The following NPAT variants were observed in gnomAD, a reference collection of about 807,000 sequenced individuals.
NPAT encodes protein NPAT.
A neutral mutation model predicts 130.7 loss-of-function variants in NPAT; 52 were observed. That is an observed-to-expected ratio of 0.40 (90% CI 0.32 to 0.50). The LOEUF is 0.50. Ranked by LOEUF, NPAT falls within the 20% of genes least tolerant of loss-of-function variation. The probability of loss-of-function intolerance (pLI) is 0.68; values close to 1 mark genes in which losing one functional copy is unlikely to be tolerated. For synonymous variants in NPAT, 580 were observed against 584.8 expected (o/e 0.99, Z 0.12); for missense variants, 1,687 against 1,662.6 (o/e 1.01, Z -0.26).
intron 5 of NPAT, 148 bp from the exon 6 acceptor site, chr11:108,189,478 C>A (rs181768850): frequency 1.4e-6 from 1 of 703,862 alleles, no homozygotes; most frequent in African/African-American, 1.8e-5. Flanking sequence ...TAAATTTATG[C>A]GACTTTCAGA....
chr11:108,200,322 C>G (rs1017522346), intron 1 of NPAT, among the ~76,000 whole-genome samples: 1 of 152,170 alleles, frequency 6.6e-6, no homozygotes, highest in Non-Finnish European at 1.5e-5. Context: ...AGCCTTTAAT[C>G]TGATATTTTT....
chr11:108,176,379 TA>T lies in NPAT; in HGVS notation c.1004-6del. ...TTTTATTATTCTTTGTTTTGCCTGT[TA>T]AAAAGGGAATATGGAAATAATTAAA... On this transcript the variant is annotated splice_polypyrimidine_tract_variant and splice_region_variant and intron_variant, in intron 11 of 17. Coordinates refer to ENST00000278612, the MANE Select transcript of NPAT (RefSeq NM_002519.3). The T allele has an allele frequency of 1.3e-6, 2 of 1,523,100 alleles. No individual in the cohort carries two copies. Among genetic ancestry groups the T allele is most frequent in the Non-Finnish European group, 1.8e-6 (2 of 1,098,766 alleles). The allele number at this position is 1,523,100 out of a possible 1,614,324, so 94.3% of individuals were successfully genotyped here. A position where few individuals can be genotyped will look rare whatever the true frequency, so the allele number is the denominator to read the frequency against.
At chr11:108,220,414 GTTTT>G (rs866334170) in intron 1 of NPAT, among the ~76,000 whole-genome samples, 2 of 151,944 alleles carry the variant, frequency 1.3e-5, no homozygotes, top group African/African-American at 4.8e-5. Flanking sequence ...CCAGAAAAGT[GTTTT>G]TTTGTGTGTA....
chr11:108,196,204 A>C (rs2078218628), intron 2 of NPAT, among the ~76,000 whole-genome samples: 1 of 152,200 alleles, frequency 6.6e-6, no homozygotes, highest in African/African-American at 2.4e-5. Context: ...TGTTCCAGCA[A>C]CATTTGTTGA....
At chr11:108,185,165 C>A in intron 10 of NPAT, 67 bp downstream of exon 10, 1 of 1,103,334 alleles carries the variant, frequency 9.1e-7, no homozygotes, top group South Asian at 1.3e-5. Context: ...GAAATGAAAC[C>A]AAAATTACCA....
intron 1 of NPAT, among the ~76,000 whole-genome samples, chr11:108,200,655 C>G (rs1035062371): frequency 6.6e-6 from 1 of 152,152 alleles, no homozygotes; most frequent in Non-Finnish European, 1.5e-5. Context: ...GAAGCCATCA[C>G]TGATAACTCA....
intron 8 of NPAT, 22 bp from the exon 9 acceptor site, chr11:108,185,516 A>G (rs1207774674): frequency 3.5e-6 from 5 of 1,441,646 alleles, no homozygotes; most frequent in South Asian, 1.1e-5. Context: ...AGCCACTGTT[A>G]GCAAAAGGAC....
chr11:108,212,390 T>C (rs1270475959), intron 1 of NPAT, among the ~76,000 whole-genome samples: 3 of 150,520 alleles, frequency 2.0e-5, no homozygotes, highest in Non-Finnish European at 4.4e-5. Flanking sequence ...CCAGGTGTGG[T>C]GGTGCATGCC....
intron 1 of NPAT, among the ~76,000 whole-genome samples, chr11:108,212,283 G>C (rs1048246683): frequency 1.3e-5 from 2 of 152,120 alleles, no homozygotes; most frequent in Non-Finnish European, 2.9e-5. Flanking sequence ...CCAGCACTTT[G>C]GGAGGCCGAG....
chr11:108,177,077 A>G lies in NPAT; in HGVS notation c.920T>C (p.Met307Thr). ...TATGTCCTGTATAGCTTCTTCAGACATGTGAATTTCACTCTGCAAGAAAGG... is the reference window on the plus strand; with the variant it reads ...TATGTCCTGTATAGCTTCTTCAGACGTGTGAATTTCACTCTGCAAGAAAGG... ...EFLGLPSEIH[M>T]SEEAIQDILE... Residue 307 changes from methionine (M) to threonine (T), a missense_variant, in exon 11 of 18, where the codon ATG becomes ACG. Coordinates refer to ENST00000278612, the MANE Select transcript of NPAT (RefSeq NM_002519.3). The G allele has an allele frequency of 1.2e-6, 2 of 1,610,362 alleles. No homozygotes were observed. Among genetic ancestry groups the G allele is most frequent in the Non-Finnish European group, 1.7e-6 (2 of 1,176,920 alleles).
rs2077818935 is a variant in NPAT at position 108,158,757 on chromosome 11, AC to A, written c.*184del. The A allele has an allele frequency of 9.3e-6, 5 of 538,594 alleles. No homozygotes were observed. Among genetic ancestry groups the A allele is most frequent in the Non-Finnish European group, 1.7e-5 (5 of 300,876 alleles). 33.4% of individuals were successfully genotyped at this position (538,594 alleles called of 1,614,324 possible). A position where few individuals can be genotyped will look rare whatever the true frequency, so the allele number is the denominator to read the frequency against. Reference sequence around the variant, plus strand: ...AACGTTTTTCCCAAAATAAAAATATACCAAGTAAGTCTATTTACAAACTAGG... The same window carrying A: ...AACGTTTTTCCCAAAATAAAAATATACAAGTAAGTCTATTTACAAACTAGG... On this transcript the variant is annotated 3_prime_UTR_variant, in exon 18 of 18. Coordinates refer to ENST00000278612, the MANE Select transcript of NPAT (RefSeq NM_002519.3).
In NPAT at chr11:108,201,714, T is replaced by G. The variant is rs2078276903; in HGVS notation, c.38-4294A>C. Among the ~76,000 whole-genome samples, 3 of 152,196 alleles carry G rather than the reference T, an allele frequency of 2.0e-5. 1 individual carries two copies. The highest frequency in any genetic ancestry group is 2.0e-4 in the Admixed American group (3 of 15,278). ...TCCACATAATGTGGCAGGACTGCTG[T>G]TCTCTAAGGGGAGGCTCTGGGTAGT... is the stretch of plus-strand genomic sequence containing the variant. On this transcript the variant is annotated intron_variant, in intron 1 of 17. Coordinates refer to ENST00000278612, the MANE Select transcript of NPAT (RefSeq NM_002519.3).
At chr11:108,215,580 C>G (rs2078428890) in intron 1 of NPAT, among the ~76,000 whole-genome samples, 1 of 152,208 alleles carries the variant, frequency 6.6e-6, no homozygotes, top group Admixed American at 6.5e-5. Context: ...ACGTTCTACT[C>G]TCTTCACCTG....
chr11:108,210,078 C>G (rs918320338), intron 1 of NPAT, among the ~76,000 whole-genome samples: 2 of 144,648 alleles, frequency 1.4e-5, no homozygotes, highest in African/African-American at 5.2e-5. Flanking sequence ...CTAGACCAAC[C>G]GAAAAAAAAA....
intron 2 of NPAT, among the ~76,000 whole-genome samples, chr11:108,194,472 A>G (rs891649636): frequency 5.3e-5 from 8 of 152,132 alleles, no homozygotes; most frequent in Admixed American, 1.3e-4. Context: ...ACAATTTGTT[A>G]TTTGTTCAGA....
At chr11:108,212,913 T>C (rs1232125922) in intron 1 of NPAT, among the ~76,000 whole-genome samples, 1 of 117,072 alleles carries the variant, frequency 8.5e-6, no homozygotes, top group African/African-American at 3.4e-5. Context: ...GCCATTGCAC[T>C]CCAGCCTGGG....
chr11:108,219,449 T>C (rs1169449321), intron 1 of NPAT, among the ~76,000 whole-genome samples: 2 of 152,226 alleles, frequency 1.3e-5, no homozygotes, highest in Admixed American at 6.5e-5. Flanking sequence ...TCTCATTAAA[T>C]CTTTCCATGT....
intron 4 of NPAT, among the ~76,000 whole-genome samples, chr11:108,191,900 A>G (rs2078173240): frequency 6.6e-6 from 1 of 152,236 alleles, no homozygotes; most frequent in South Asian, 2.1e-4. Context: ...AAATGTCATT[A>G]AACTACTACA....
Position 108,171,814 on chromosome 11 carries a change from T to C in NPAT, c.2785+385A>G, listed in dbSNP as rs151136357. ...CTGAAATTCAAGTTTTTCTTGAAAA[T>C]TTCTCCAAAAAGATGATGAATTCCC... On this transcript the variant is annotated intron_variant, in intron 13 of 17. Transcript: ENST00000278612. 24 of 179,544 alleles carry C rather than the reference T, an allele frequency of 1.3e-4. No individual in the cohort carries two copies. In the East Asian group the frequency reaches 3.6e-3, roughly 27 times the overall value. The allele number at this position is 179,544 out of a possible 1,614,324, so 11.1% of individuals were successfully genotyped here.
Sources: gnomAD v4.1 joint callset for allele counts (sites outside exome capture counted in the v4.1 genomes callset) on GRCh38, gnomAD v4.1.1 for gene constraint, MANE v1.5 for transcripts, NCBI Gene and HGNC (gene_info 2026-07-23, HGNC 2026-07-21) for gene names.